BICD2: variants seen among roughly 807,000 people sequenced by gnomAD.
The protein encoded by BICD2 is protein bicaudal D homolog 2.
Under a neutral mutation model 72.9 loss-of-function variants are expected in BICD2, and 25 were observed. The ratio of observed to expected loss-of-function variants is 0.34; its 90% CI spans 0.25 to 0.48. BICD2 has a LOEUF of 0.48. Among genes scored for constraint, BICD2 ranks in the 20% least tolerant of loss-of-function variants. The pLI is 0.99. For synonymous variants in BICD2, 501 were observed against 516.1 expected, an observed-to-expected ratio of 0.97 and a Z score of 0.40; for missense variants, 894 against 1,175.2, an observed-to-expected ratio of 0.76 and a Z score of 3.50.
rs1853268364 is a variant in BICD2 at position 92,714,821 on chromosome 9, C to G, written c.*333G>C. On this transcript the variant is annotated 3_prime_UTR_variant, in exon 7 of 7. Transcript: ENST00000356884. ...GGGTGCTGAGGGAGCAGGACCAGGA[C>G]TCCTCCCTTGGGTTTCCCCACGGGT... 1 of 1,079,080 alleles carries G rather than the reference C, an allele frequency of 9.3e-7. No individual in the cohort carries two copies. Among genetic ancestry groups the G allele is most frequent in the African/African-American group, 1.7e-5 (1 of 60,414 alleles). 66.8% of individuals were successfully genotyped at this position (1,079,080 alleles called of 1,614,324 possible). A position where few individuals can be genotyped will look rare whatever the true frequency, so the allele number is the denominator to read the frequency against.
In BICD2 at chr9:92,719,164, T is replaced by C. The variant is rs142985475; in HGVS notation, c.1481A>G (p.Gln494Arg). The stretch of plus-strand genomic sequence containing the variant: ...CAGCCGGGCCAGCAGCTCGCGGTCC[T>C]GGCGGCTGGCCTTCTCTAGCAGGGA... ...KVSLLEKASR[Q>R]DRELLARLEK... Residue 494 changes from glutamine to arginine, a missense_variant, in exon 5 of 7, where the codon CAG (glutamine) becomes CGG (arginine). This residue lies in a region of BICD2 where 371 missense variants were observed against 439.1 expected (regional missense o/e 0.84). Coordinates refer to ENST00000356884, the MANE Select transcript of BICD2 (RefSeq NM_001003800.2). The C allele has an allele frequency of 1.1e-4, 183 of 1,611,286 alleles. No homozygotes were observed. Among genetic ancestry groups the C allele is most frequent in the Non-Finnish European group, 1.4e-4 (164 of 1,179,976 alleles).
chr9:92,745,335 T>G (rs1488666750), intron 1 of BICD2, among the ~76,000 whole-genome samples: 1 of 151,908 alleles, frequency 6.6e-6, no homozygotes, highest in Non-Finnish European at 1.5e-5. Flanking sequence ...TGAGATGAGC[T>G]GGAACCTCTG....
chr9:92,748,400 T>A (rs1284215518), intron 1 of BICD2, among the ~76,000 whole-genome samples: 1 of 152,148 alleles, frequency 6.6e-6, no homozygotes, highest in Non-Finnish European at 1.5e-5. Flanking sequence ...ATTCTGGAAG[T>A]GTAAACACTC....
chr9:92,744,424 T>C (rs1587685231), intron 1 of BICD2, among the ~76,000 whole-genome samples: 1 of 152,244 alleles, frequency 6.6e-6, no homozygotes, highest in African/African-American at 2.4e-5. Flanking sequence ...TCTTGATCTG[T>C]TGGTAGTTAC....
At chr9:92,744,036 T>A (rs1393008125) in intron 1 of BICD2, among the ~76,000 whole-genome samples, 4 of 152,124 alleles carry the variant, frequency 2.6e-5, no homozygotes, top group Non-Finnish European at 5.9e-5. Flanking sequence ...ACTGCTGTGC[T>A]CCTCTAGAAG....
At chr9:92,762,496 AG>A in intron 1 of BICD2, among the ~76,000 whole-genome samples, 1 of 152,184 alleles carries the variant, frequency 6.6e-6, no homozygotes, top group Non-Finnish European at 1.5e-5. Context: ...AATTTGTCCA[AG>A]GCCATGTGGC....
chr9:92,729,275 C>G (rs765840524), intron 1 of BICD2, 39 bp from the exon 2 acceptor site: 2 of 1,606,220 alleles, frequency 1.2e-6, no homozygotes, highest in Non-Finnish European at 1.7e-6. Flanking sequence ...GTGGGCCTCC[C>G]AGGGGCGCCG....
chr9:92,736,533 A>G (rs1853791277), intron 1 of BICD2, among the ~76,000 whole-genome samples: 1 of 152,252 alleles, frequency 6.6e-6, no homozygotes, highest in African/African-American at 2.4e-5. Flanking sequence ...TTTAGCATAT[A>G]ATCAAGAAAT....
intron 1 of BICD2, among the ~76,000 whole-genome samples, chr9:92,732,307 C>T (rs1423347530): frequency 1.3e-5 from 2 of 152,068 alleles, no homozygotes; most frequent in Non-Finnish European, 2.9e-5. Context: ...TCAAACAGAG[C>T]ATTGGTGAAG....
chr9:92,749,903 G>T (rs12236747), intron 1 of BICD2, among the ~76,000 whole-genome samples: 41,685 of 152,246 alleles, frequency 0.27, 6,844 homozygotes, highest in East Asian at 0.76. Context: ...CTGTCCAGAC[G>T]GCATCTGTTC....
Position 92,718,635 on chromosome 9 carries a change from T to A in BICD2, c.2010A>T (p.Glu670Asp), listed in dbSNP as rs1173011262. Residue 670 changes from glutamate (E) to aspartate (D), a missense_variant, in exon 5 of 7, where the codon GAA becomes GAT. Physicochemically the swap from Glu to Asp is conservative, Grantham distance 45 (BLOSUM62 2). Transcript: ENST00000356884. ...GCTTGAGGATCTCCTCCATAAGCGC[T>A]TCCTTGTCCTTGTCCACGGCGGGGC... ...ELGPAVDKDK[E>D]ALMEEILKLK... The A allele has an allele frequency of 6.2e-7, 1 of 1,613,890 alleles. No individual in the cohort carries two copies. Among genetic ancestry groups the A allele is most frequent in the South Asian group, 1.1e-5 (1 of 91,076 alleles).
rs747858816 is a variant in BICD2, at chr9:92,764,781, T to A, written c.-37A>T. The A allele has an allele frequency of 2.1e-6, 3 of 1,438,754 alleles. No homozygotes were observed. In the South Asian group the frequency reaches 4.1e-5, roughly 20 times the overall value. The allele number at this position is 1,438,754 out of a possible 1,614,324, so 89.1% of individuals were successfully genotyped here. On this transcript the variant is annotated 5_prime_UTR_variant, in exon 1 of 7. Transcript: ENST00000356884. The surrounding 1 kb of genome is among the most constrained non-coding windows in gnomAD (Gnocchi z 5.5). ...GCTGAGCCGGCTCCCACTGAGGCTC[T>A]CGCAGGCCGGGCCCTCCTCAGCCGC...
At position 92,719,572 on chromosome 9, in the gene BICD2, TC is replaced by T. The variant is rs748271261; in HGVS notation, c.1072del (p.Glu358LysfsTer30). On this transcript the variant is annotated frameshift_variant, in exon 5 of 7. Coordinates refer to ENST00000356884, the MANE Select transcript of BICD2 (RefSeq NM_001003800.2). LOFTEE classifies it high-confidence loss of function. ...CAGCGTTGCCAGCAGGCCCGCCTTT[TC>T]CCGCTCCATCTGCAAAGGCACAGGC... is the stretch of plus-strand genomic sequence containing the variant. ...LKQQLMQMER[E>X]KAGLLATLQD... is the part of the protein sequence containing the mutation. 1 of 1,602,618 alleles carries T rather than the reference TC, an allele frequency of 6.2e-7. No individual in the cohort carries two copies. The highest frequency in any genetic ancestry group is 8.5e-7 in the Non-Finnish European group (1 of 1,176,002).
In BICD2 at chr9:92,713,305, G is replaced by T; in HGVS notation, c.*1849C>A. On this transcript the variant is annotated 3_prime_UTR_variant, in exon 7 of 7. Coordinates refer to ENST00000356884, the MANE Select transcript of BICD2 (RefSeq NM_001003800.2). Reference sequence around the variant, plus strand: ...TCCTCCCATTAAAAACCTGGGGAATGCTATTTTGAAAAGAATTGCAGTGGC... The same window carrying T: ...TCCTCCCATTAAAAACCTGGGGAATTCTATTTTGAAAAGAATTGCAGTGGC... 1 of 827,264 alleles carries T rather than the reference G, an allele frequency of 1.2e-6. No homozygotes were observed. Among genetic ancestry groups the T allele is most frequent in the Non-Finnish European group, 1.9e-6 (1 of 518,378 alleles). The allele number at this position is 827,264 out of a possible 1,614,324, so 51.2% of individuals were successfully genotyped here. A position where few individuals can be genotyped will look rare whatever the true frequency, so the allele number is the denominator to read the frequency against.
At chr9:92,729,475 C>G (rs971927432) in intron 1 of BICD2, among the ~76,000 whole-genome samples, 1 of 152,256 alleles carries the variant, frequency 6.6e-6, no homozygotes, top group African/African-American at 2.4e-5. Flanking sequence ...TAAGAGAAAG[C>G]CTGGTCTCTG....
Position 92,713,248 on chromosome 9 carries a change from G to C in BICD2, c.*1906C>G. The C allele has an allele frequency of 1.6e-6, 1 of 622,238 alleles. No homozygotes were observed. The highest frequency in any genetic ancestry group is 2.8e-6 in the Non-Finnish European group (1 of 361,092). The allele number at this position is 622,238 out of a possible 1,614,324, so 38.5% of individuals were successfully genotyped here. ...CATACAGAGGCCTTTCCACGCAGCA[G>C]CTCGCAGCATGCTCAACATTAAAGC... On this transcript the variant is annotated 3_prime_UTR_variant, in exon 7 of 7. Transcript: ENST00000356884.
intron 1 of BICD2, among the ~76,000 whole-genome samples, chr9:92,763,423 A>AAATACATGACCCTCACAAC (rs537318528): frequency 2.0e-4 from 31 of 152,276 alleles, no homozygotes; most frequent in African/African-American, 7.2e-4. Flanking sequence ...AGTCCTTTCC[A>AAATACATGACCCTCACAAC]AATACATGAC....
intron 1 of BICD2, among the ~76,000 whole-genome samples, chr9:92,745,580 G>C (rs1025404199): frequency 6.6e-6 from 1 of 152,120 alleles, no homozygotes; most frequent in Non-Finnish European, 1.5e-5. Context: ...GAGGGAGGAA[G>C]ACAGAGGACA....
intron 1 of BICD2, among the ~76,000 whole-genome samples, chr9:92,731,146 C>T (rs1853672163): frequency 6.6e-6 from 1 of 152,230 alleles, no homozygotes; most frequent in South Asian, 2.1e-4. Flanking sequence ...ATGGGCAGCG[C>T]CAGACCATCT....
Sources: allele counts gnomAD v4.1 joint callset (sites outside exome capture counted in the v4.1 genomes callset), GRCh38; gene constraint gnomAD v4.1.1; regional missense constraint gnomAD v4.1.1; non-coding constraint Gnocchi (gnomAD v3.1); transcripts MANE v1.5; gene names NCBI Gene and HGNC (gene_info 2026-07-23, HGNC 2026-07-21).